The following AKAP6 variants were observed in gnomAD, a reference collection of about 807,000 sequenced individuals.
The protein encoded by AKAP6 is A-kinase anchoring protein 6, also known as A-kinase anchor protein 6.
In AKAP6, 58 loss-of-function variants were observed where a neutral mutation model predicts 188.5. That is an observed-to-expected ratio of 0.31 (90% confidence interval 0.25 to 0.38). The LOEUF is 0.38. Ranked by LOEUF, AKAP6 falls within the 10% of genes least tolerant of loss-of-function variation. The probability of loss-of-function intolerance (pLI) is 1.00; values close to 1 mark genes in which losing one functional copy is unlikely to be tolerated. For missense variants in AKAP6, 2,710 were observed against 2,740.0 expected, an observed-to-expected ratio of 0.99 and a Z score of 0.24; for synonymous variants, 989 against 998.6, an observed-to-expected ratio of 0.99 and a Z score of 0.18.
At chr14:32,603,506 A>G (rs553310749) in intron 7 of AKAP6, among the ~76,000 whole-genome samples, 2 of 152,220 alleles carry the variant, frequency 1.3e-5, no homozygotes, top group African/African-American at 2.4e-5. Flanking sequence ...ATTTCTCAAA[A>G]AGAGGACCTG....
intron 2 of AKAP6, among the ~76,000 whole-genome samples, chr14:32,478,423 T>G (rs1879179340): frequency 6.6e-6 from 1 of 151,632 alleles, no homozygotes; most frequent in Non-Finnish European, 1.5e-5. Context: ...CCAACTGGAG[T>G]CAAGATGTGA....
chr14:32,532,764 T>C (rs1882479850), intron 2 of AKAP6, among the ~76,000 whole-genome samples: 1 of 152,214 alleles, frequency 6.6e-6, no homozygotes, highest in Non-Finnish European at 1.5e-5. Flanking sequence ...CTAACAAATC[T>C]GAGTTATGAA....
chr14:32,702,053 A>C (rs1185035883), intron 9 of AKAP6, among the ~76,000 whole-genome samples: 1 of 152,200 alleles, frequency 6.6e-6, no homozygotes, highest in Non-Finnish European at 1.5e-5. Flanking sequence ...AATTACAGTT[A>C]TTGAAGCAGT....
intron 3 of AKAP6, among the ~76,000 whole-genome samples, chr14:32,543,566 G>C (rs1883059180): frequency 6.6e-6 from 1 of 152,116 alleles, no homozygotes; most frequent in African/African-American, 2.4e-5. Context: ...ATACCTATTA[G>C]TGGGATTGGT....
rs1751967760 is a variant in AKAP6, at chr14:32,535,955, GGGCACTTCCAATATGAA to G, written c.576+151_576+167del. ...ATCTAGGCATAGTGACTAGAAGCTA[GGGCACTTCCAATATGAA>G]TGGGGCTTTAGACCAGAGTTAGCTC... On this transcript the variant is annotated intron_variant, in intron 3 of 13. Coordinates refer to ENST00000280979, the MANE Select transcript of AKAP6 (RefSeq NM_004274.5). 3 of 1,198,766 alleles carry G rather than the reference GGGCACTTCCAATATGAA, an allele frequency of 2.5e-6. No homozygotes were observed. In the African/African-American group the frequency reaches 4.6e-5, roughly 18 times the overall value. 74.3% of individuals were successfully genotyped at this position (1,198,766 alleles called of 1,614,324 possible). A position where few individuals can be genotyped will look rare whatever the true frequency, so the allele number is the denominator to read the frequency against.
At chr14:32,803,529 C>T (rs772337843) in intron 12 of AKAP6, among the ~76,000 whole-genome samples, 30 of 152,114 alleles carry the variant, frequency 2.0e-4, no homozygotes, top group Non-Finnish European at 2.1e-4. Flanking sequence ...CTCCCAGAGT[C>T]GAGCTCAAAT....
chr14:32,446,866 AT>A (rs1373547107), intron 2 of AKAP6, among the ~76,000 whole-genome samples: 1 of 152,186 alleles, frequency 6.6e-6, no homozygotes, highest in Non-Finnish European at 1.5e-5. Flanking sequence ...TTCTACTTTT[AT>A]TTTAAAAAGC....
At chr14:32,395,706 T>A (rs1451848435) in intron 1 of AKAP6, among the ~76,000 whole-genome samples, 2 of 152,290 alleles carry the variant, frequency 1.3e-5, no homozygotes, top group East Asian at 3.9e-4. Flanking sequence ...CACTTATTTT[T>A]CCCCCTATTT....
intron 11 of AKAP6, among the ~76,000 whole-genome samples, chr14:32,751,035 G>C (rs902506050): frequency 1.3e-5 from 2 of 152,040 alleles, no homozygotes; most frequent in Non-Finnish European, 2.9e-5. Flanking sequence ...CACCCAGCCT[G>C]TTCATTCTTT....
In AKAP6 at chr14:32,824,129, A is replaced by G. The variant is rs201568851; in HGVS notation, c.6316A>G (p.Lys2106Glu). The change falls in exon 13 of 14, where the codon AAA (lysine) becomes GAA (glutamate). Residue 2106 changes from lysine (K) to glutamate (E), a missense_variant. This residue lies in a region of AKAP6 where 2,473 missense variants were observed against 2,426.1 expected (regional missense o/e 1.02). Coordinates refer to ENST00000280979, the MANE Select transcript of AKAP6 (RefSeq NM_004274.5). The stretch of plus-strand genomic sequence containing the variant: ...TTCTCACCGGCCCATCCAGCTGAGA[A>G]AAGGGGACTTTTATTCGTACTTATC... The part of the protein sequence containing the change: ...EHSHRPIQLR[K>E]GDFYSYLSLS... 3.0e-5 allele frequency: 49 copies of G among 1,613,876 alleles called. No individual in the cohort carries two copies. The highest frequency in any genetic ancestry group is 4.2e-5 in the Non-Finnish European group (49 of 1,179,942).
At chr14:32,683,122 T>C (rs1412336449) in intron 8 of AKAP6, among the ~76,000 whole-genome samples, 4 of 151,958 alleles carry the variant, frequency 2.6e-5, no homozygotes, top group Admixed American at 6.6e-5. Flanking sequence ...GTCTCTCAAG[T>C]GTCTGGGATT....
At chr14:32,732,199 C>T (rs1393319724) in intron 9 of AKAP6, among the ~76,000 whole-genome samples, 1 of 151,694 alleles carries the variant, frequency 6.6e-6, no homozygotes, top group Non-Finnish European at 1.5e-5. Context: ...TTTTAAAGAT[C>T]AAATATGTGT....
rs536757703 is a variant in AKAP6 at position 32,689,082 on chromosome 14, C to T, written c.2880-6908C>T. ...ACGGTTTATCTTTTAAAAAAATCAT[C>T]TCTTTGTCTTTTGAAGTACATTTTT... On this transcript the variant is annotated intron_variant, in intron 8 of 13. Transcript: ENST00000280979. 4.6e-5 allele frequency among the ~76,000 whole-genome samples: 7 copies of T among 152,290 alleles called. No individual in the cohort carries two copies. In the East Asian group the frequency reaches 1.4e-3, roughly 29 times the overall value.
intron 2 of AKAP6, among the ~76,000 whole-genome samples, chr14:32,462,024 T>C (rs1891343412): frequency 6.6e-6 from 1 of 151,576 alleles, no homozygotes; most frequent in South Asian, 2.1e-4. Context: ...AAGACAAGAT[T>C]AGAGGAAAAA....
intron 2 of AKAP6, among the ~76,000 whole-genome samples, chr14:32,492,601 T>C (rs1880096331): frequency 6.6e-6 from 1 of 152,070 alleles, no homozygotes; most frequent in South Asian, 2.1e-4. Flanking sequence ...AGCTGACAGC[T>C]ATTTAAATGA....
chr14:32,605,007 T>G (rs906235503), intron 7 of AKAP6, among the ~76,000 whole-genome samples: 1 of 152,160 alleles, frequency 6.6e-6, no homozygotes, highest in Non-Finnish European at 1.5e-5. Context: ...CCAGTGTGTG[T>G]TGTTTCCCTC....
rs1241565575 is a variant in AKAP6, at chr14:32,465,373, AC to A, written c.324+31557del. 3.2e-4 allele frequency among the ~76,000 whole-genome samples: 21 copies of A among 65,912 alleles called. No individual in the cohort carries two copies. The African/African-American group carries it at 4.2e-3, about 13-fold the overall frequency. The allele number at this position is 65,912 out of a possible 152,430, so 43.2% of individuals were successfully genotyped here. ...GGTACAGTAACCAAAACAGCGTGGT[AC>A]TGGTACCAAAACAGATATATAGACC... On this transcript the variant is annotated intron_variant, in intron 2 of 13. Transcript: ENST00000280979.
In AKAP6 at chr14:32,813,397, C is replaced by CT. The variant is rs1555365157; in HGVS notation, c.3589-8005_3589-8004insT. Among the ~76,000 whole-genome samples the CT allele has an allele frequency of 1.2e-3, 147 of 123,848 alleles. 3 individuals are homozygous for CT. The highest frequency in any genetic ancestry group is 4.5e-3 in the African/African-American group (141 of 31,626). 81.2% of individuals were successfully genotyped at this position (123,848 alleles called of 152,430 possible). On this transcript the variant is annotated intron_variant, in intron 12 of 13. Coordinates refer to ENST00000280979, the MANE Select transcript of AKAP6 (RefSeq NM_004274.5). ...TTTTCATCTCTAACCCTACCCCCCC[C>CT]CCCAACCCCTTTCCCAGAGGTCCTT...
At chr14:32,699,730 G>A (rs1890549763) in intron 9 of AKAP6, among the ~76,000 whole-genome samples, 1 of 152,164 alleles carries the variant, frequency 6.6e-6, no homozygotes, top group South Asian at 2.1e-4. Flanking sequence ...AAACACAAAT[G>A]TAGTCTTTTC....
Sources: allele counts gnomAD v4.1 joint callset (sites outside exome capture counted in the v4.1 genomes callset), GRCh38; gene constraint gnomAD v4.1.1; regional missense constraint gnomAD v4.1.1; transcripts MANE v1.5; gene names NCBI Gene and HGNC (gene_info 2026-07-23, HGNC 2026-07-21).